Variants in RARA observed in about 807,000 individuals in gnomAD.
RARA encodes PML-DDX5-RARA fusion.
Under a neutral mutation model 42.8 loss-of-function variants are expected in RARA, and 5 were observed. The ratio of observed to expected loss-of-function variants is 0.12; its 90% CI spans 0.06 to 0.25. RARA has a LOEUF of 0.25. Ranked by LOEUF, RARA falls within the 10% of genes least tolerant of loss-of-function variation. The pLI, the probability that RARA is intolerant of heterozygous loss-of-function variation, is 1.00. For synonymous variants in RARA, 256 were observed against 259.5 expected (o/e 0.99, Z 0.13); for missense variants, 402 against 628.7 (o/e 0.64, Z 3.86).
intron 1 of RARA, among the ~76,000 whole-genome samples, chr17:40,310,562 G>A (rs2033077615): frequency 1.3e-5 from 2 of 152,144 alleles, no homozygotes; most frequent in Admixed American, 1.3e-4. Flanking sequence ...GGTTTTAGAG[G>A]ACAGGGTGGA....
rs1367264701 is a variant in RARA, at chr17:40,345,795, G to C, written c.179-2521G>C. 6.6e-6 allele frequency among the ~76,000 whole-genome samples: 1 copy of C among 152,184 alleles called. No homozygotes were observed. The highest frequency in any genetic ancestry group is 2.4e-5 in the African/African-American group (1 of 41,442). ...CTCCCCACTCCACCTGTGTGTGCAG[G>C]GAGTTATGGCCGTGTCCTAACTCTT... On this transcript the variant is annotated intron_variant, in intron 2 of 8. Coordinates refer to ENST00000254066, the MANE Select transcript of RARA (RefSeq NM_000964.4). The surrounding 1 kb of genome is among the most constrained non-coding windows in gnomAD (Gnocchi z 4.8).
intron 1 of RARA, among the ~76,000 whole-genome samples, chr17:40,325,521 G>A (rs1414104243): frequency 6.6e-6 from 1 of 152,148 alleles, no homozygotes; most frequent in African/African-American, 2.4e-5. Context: ...GGCTTTGTAT[G>A]TATGGGAGTG....
Position 40,356,675 on chromosome 17 carries a change from CG to C in RARA, c.*455del. ...GGTGACAGAGGGGGTGGGACAGGGG[CG>C]GGGGGTTCCCCCTGTACATACCCTG... On this transcript the variant is annotated 3_prime_UTR_variant, in exon 9 of 9. Transcript: ENST00000254066. The C allele has an allele frequency of 8.7e-6, 4 of 459,812 alleles. No individual in the cohort carries two copies. The highest frequency in any genetic ancestry group is 3.2e-5 in the South Asian group (2 of 62,778). The allele number at this position is 459,812 out of a possible 1,614,324, so 28.5% of individuals were successfully genotyped here.
chr17:40,311,087 ACCTT>A (rs1824892359), intron 1 of RARA, among the ~76,000 whole-genome samples: 1 of 151,454 alleles, frequency 6.6e-6, no homozygotes. Context: ...CCATGTCTCC[ACCTT>A]CCTTCTGCCA....
At chr17:40,315,167 TATATAC>T (rs1405242669) in intron 1 of RARA, among the ~76,000 whole-genome samples, 29 of 116,012 alleles carry the variant, frequency 2.5e-4, no homozygotes, top group East Asian at 4.6e-4. Flanking sequence ...TATATATATA[TATATAC>T]ACACACACAC....
At chr17:40,323,729 C>CT (rs1411854786) in intron 1 of RARA, among the ~76,000 whole-genome samples, 1 of 99,500 alleles carries the variant, frequency 1.0e-5, no homozygotes, top group Non-Finnish European at 2.0e-5. Context: ...TAGGAAGTTG[C>CT]TTGGGGGGGG....
chr17:40,332,999 C>T, intron 2 of RARA, among the ~76,000 whole-genome samples: 1 of 152,228 alleles, frequency 6.6e-6, no homozygotes, highest in East Asian at 1.9e-4. Flanking sequence ...ACTTGGATCA[C>T]TGGAACTAGA....
intron 1 of RARA, among the ~76,000 whole-genome samples, chr17:40,328,587 T>G (rs935622617): frequency 2.0e-5 from 3 of 152,178 alleles, no homozygotes; most frequent in South Asian, 2.1e-4. Context: ...ACTTCCCATA[T>G]TCCTCAAATC....
intron 2 of RARA, chr17:40,343,171 A>C (rs1451140084): frequency 3.4e-6 from 1 of 297,584 alleles, no homozygotes; most frequent in Non-Finnish European, 5.9e-6. Flanking sequence ...CCTTGCCCCC[A>C]GTTTATATCT....
At position 40,354,197 on chromosome 17, in the gene RARA, C is replaced by A; in HGVS notation, c.808-105C>A. 2 of 1,086,692 alleles carry A rather than the reference C, an allele frequency of 1.8e-6. No individual in the cohort carries two copies. The highest frequency in any genetic ancestry group is 2.7e-6 in the Non-Finnish European group (2 of 738,702). 67.3% of individuals were successfully genotyped at this position (1,086,692 alleles called of 1,614,324 possible). ...TTCTATCAGACAGCATTGCTCCGGC[C>A]ACCTGCCAGGTGGTCCTCCGGGAGT... On this transcript the variant is annotated intron_variant, in intron 6 of 8. Transcript: ENST00000254066. The surrounding 1 kb of genome is among the most constrained non-coding windows in gnomAD (Gnocchi z 4.5).
chr17:40,333,135 C>T (rs1007750084), intron 2 of RARA, among the ~76,000 whole-genome samples: 19 of 152,096 alleles, frequency 1.2e-4, no homozygotes, highest in Non-Finnish European at 1.3e-4. Flanking sequence ...CTGCAACTTC[C>T]GCCTTCCGGA....
chr17:40,324,614 G>A (rs918616223), intron 1 of RARA, among the ~76,000 whole-genome samples: 9 of 152,162 alleles, frequency 5.9e-5, no homozygotes, highest in Non-Finnish European at 1.2e-4. Flanking sequence ...AGATTATGGC[G>A]TGTGGGGGTC....
intron 3 of RARA, 152 bp from the exon 4 acceptor site, chr17:40,349,632 C>A: frequency 1.1e-6 from 1 of 898,460 alleles, no homozygotes; most frequent in East Asian, 2.6e-5. Context: ...GTGAATCATT[C>A]TCCCCAGCTT....
intron 1 of RARA, among the ~76,000 whole-genome samples, chr17:40,314,173 C>CGGGGGGGGGGGGGGGGGGGGGGGGGGGGG (rs2033146905): frequency 1.7e-4 from 1 of 5,854 alleles, no homozygotes; most frequent in African/African-American, 6.3e-4. Context: ...AGGGATATGG[C>CGGGGGGGGGGGGGGGGGGGGGGGGGGGGG]GGGTGGAGGG....
intron 2 of RARA, among the ~76,000 whole-genome samples, chr17:40,336,078 T>C (rs570872304): frequency 3.3e-5 from 5 of 152,314 alleles, no homozygotes; most frequent in African/African-American, 1.2e-4. Context: ...GTTTCTTTTT[T>C]GTTGTTGTTT....
chr17:40,320,593 C>T lies in RARA; in HGVS notation c.-362-10264C>T, dbSNP rs762647834. Among the ~76,000 whole-genome samples the T allele has an allele frequency of 1.3e-5, 2 of 152,184 alleles. No individual in the cohort carries two copies. On this transcript the variant is annotated intron_variant, in intron 1 of 8. Transcript: ENST00000254066. The surrounding 1 kb of genome is among the most constrained non-coding windows in gnomAD (Gnocchi z 4.1). Reference sequence around the variant, plus strand: ...ACCTTTTCTTCCAGGCCACTCCTTGCTCAGACTCCAGTCTCAGGTGGGATG... The same window carrying T: ...ACCTTTTCTTCCAGGCCACTCCTTGTTCAGACTCCAGTCTCAGGTGGGATG...
chr17:40,310,268 C>T (rs1344241536), intron 1 of RARA, among the ~76,000 whole-genome samples: 1 of 152,154 alleles, frequency 6.6e-6, no homozygotes, highest in African/African-American at 2.4e-5. Flanking sequence ...CTGTGGTGGG[C>T]AGACAGGCCC....
intron 1 of RARA, among the ~76,000 whole-genome samples, chr17:40,315,100 G>GTATATA (rs10653964): frequency 0.012 from 873 of 72,776 alleles, 8 homozygotes; most frequent in Middle Eastern, 0.027. Flanking sequence ...TGGGTTATAT[G>GTATATA]TATATATATA....
intron 1 of RARA, among the ~76,000 whole-genome samples, chr17:40,322,039 G>A (rs770759818): frequency 1.3e-5 from 2 of 152,104 alleles, no homozygotes; most frequent in Admixed American, 1.3e-4. Context: ...GTAGATGGGG[G>A]TGGTTCTCTG....
Sources: gnomAD v4.1 joint callset for allele counts (sites outside exome capture counted in the v4.1 genomes callset) on GRCh38, gnomAD v4.1.1 for gene constraint, Gnocchi (gnomAD v3.1) non-coding constraint, MANE v1.5 for transcripts, NCBI Gene and HGNC (gene_info 2026-07-23, HGNC 2026-07-21) for gene names.